PCOLCE2: variants seen among roughly 807,000 people sequenced by gnomAD.
The protein encoded by PCOLCE2 is procollagen C-proteinase enhancer 2.
A neutral mutation model predicts 47.0 loss-of-function variants in PCOLCE2; 42 were observed. The observed-to-expected ratio is 0.89, with a 90% CI of 0.70 to 1.16. The LOEUF (loss-of-function observed/expected upper bound fraction) is 1.16, where lower values mean the gene tolerates loss of function less well. Ranked by LOEUF, PCOLCE2 falls within the 50% of genes most tolerant of loss-of-function variation. The pLI, the probability that PCOLCE2 is intolerant of heterozygous loss-of-function variation, is 0.00. For missense variants in PCOLCE2, 500 were observed against 526.1 expected (o/e 0.95, Z 0.49); for synonymous variants, 169 against 191.7 (o/e 0.88, Z 0.98).
chr3:142,857,478 G>A (rs969695997), intron 2 of PCOLCE2, among the ~76,000 whole-genome samples: 1 of 152,160 alleles, frequency 6.6e-6, no homozygotes, highest in Non-Finnish European at 1.5e-5. Flanking sequence ...AGTACTAAGT[G>A]AAGCTCTACC....
At chr3:142,827,402 T>C in intron 6 of PCOLCE2, 1 of 1,567,270 alleles carries the variant, frequency 6.4e-7, no homozygotes, top group Non-Finnish European at 8.8e-7. Context: ...GGAGACAACC[T>C]TCTTGGAGCC....
rs777088943 is a variant in PCOLCE2, at chr3:142,843,029, T to C, written c.468A>G (p.Gly156=). The change falls in exon 4 of 9, where the codon GGA becomes GGG. Residue 156 remains glycine (G), a synonymous_variant. Transcript: ENST00000295992. ...PNERGDQYCG[G]LLDRPSGSFK... ...AAGAGCCGGAAGGTCTGTCAAGGAGTCCTCCACAATACTGATCCCCTTCAA... is the reference window on the plus strand; with the variant it reads ...AAGAGCCGGAAGGTCTGTCAAGGAGCCCTCCACAATACTGATCCCCTTCAA... 1.9e-6 allele frequency: 3 copies of C among 1,613,360 alleles called. No homozygotes were observed. The South Asian group carries it at 3.3e-5, about 18-fold the overall frequency.
Position 142,842,869 on chromosome 3 carries a change from C to T in PCOLCE2, c.573+55G>A. On this transcript the variant is annotated intron_variant, in intron 4 of 8. Transcript: ENST00000295992. The surrounding 1 kb of genome is among the most constrained non-coding windows in gnomAD (Gnocchi z 4.1). ...AGGCTCTTGAGAGTTGGTGGGCCCC[C>T]CACACTGGGCAATTCACACATGCAT... 1 of 1,593,178 alleles carries T rather than the reference C, an allele frequency of 6.3e-7. No homozygotes were observed. The highest frequency in any genetic ancestry group is 1.7e-4 in the Middle Eastern group (1 of 5,948).
At chr3:142,845,429 G>C (rs1327620268) in intron 3 of PCOLCE2, among the ~76,000 whole-genome samples, 2 of 152,092 alleles carry the variant, frequency 1.3e-5, no homozygotes. Context: ...AAGAAATTAA[G>C]AGAAGAAAAG....
chr3:142,823,588 T>G lies in PCOLCE2; in HGVS notation c.893A>C (p.Gln298Pro). Residue 298 changes from glutamine to proline, a missense_variant, in exon 7 of 9, where the codon CAA (glutamine) becomes CCA (proline). Coordinates refer to ENST00000295992, the MANE Select transcript of PCOLCE2 (RefSeq NM_013363.4). Reference sequence around the variant, plus strand: ...AGTCCCCGTCCGTCTACACTTTTGTTGACACAAGGCCACGGTGGGTTTTAA... The same window carrying G: ...AGTCCCCGTCCGTCTACACTTTTGTGGACACAAGGCCACGGTGGGTTTTAA... ...TGLKPTVALC[Q>P]QKCRRTGTLE... is the part of the protein sequence containing the mutation. The G allele has an allele frequency of 6.2e-7, 1 of 1,610,010 alleles. No individual in the cohort carries two copies. Among genetic ancestry groups the G allele is most frequent in the East Asian group, 2.2e-5 (1 of 44,836 alleles).
intron 2 of PCOLCE2, among the ~76,000 whole-genome samples, chr3:142,854,686 G>T (rs1268200018): frequency 6.6e-6 from 1 of 152,156 alleles, no homozygotes; most frequent in East Asian, 1.9e-4. Context: ...CCAGCCTGAA[G>T]ACACCAGTGG....
chr3:142,819,138 C>G (rs949726218), intron 8 of PCOLCE2, among the ~76,000 whole-genome samples: 1 of 152,184 alleles, frequency 6.6e-6, no homozygotes, highest in African/African-American at 2.4e-5. Context: ...ATACTACTTG[C>G]ATTTGTACAG....
At position 142,823,633 on chromosome 3, in the gene PCOLCE2, A is replaced by G. The variant is rs200770427; in HGVS notation, c.866-18T>C. 477 of 1,476,564 alleles carry G rather than the reference A, an allele frequency of 3.2e-4. No homozygotes were observed. The highest frequency in any genetic ancestry group is 4.3e-4 in the Non-Finnish European group (459 of 1,062,468). The allele number at this position is 1,476,564 out of a possible 1,614,324, so 91.5% of individuals were successfully genotyped here. ...TTTTAAACCTTAATTCAAAGAAGAC[A>G]TAAGTTTCACGAAAAATGAATTCAA... On this transcript the variant is annotated intron_variant, in intron 6 of 8. Transcript: ENST00000295992.
chr3:142,852,960 G>T (rs1932980089), intron 2 of PCOLCE2, among the ~76,000 whole-genome samples: 1 of 151,450 alleles, frequency 6.6e-6, no homozygotes, highest in Non-Finnish European at 1.5e-5. Context: ...TTAAAAATTA[G>T]CTGGATGTGG....
intron 5 of PCOLCE2, among the ~76,000 whole-genome samples, chr3:142,834,696 TA>T (rs1344316273): frequency 6.6e-6 from 1 of 152,202 alleles, no homozygotes; most frequent in Non-Finnish European, 1.5e-5. Context: ...GAATTTTTTT[TA>T]TACATTGCTA....
intron 2 of PCOLCE2, among the ~76,000 whole-genome samples, chr3:142,852,721 GTATT>G (rs1166140736): frequency 4.7e-5 from 7 of 147,692 alleles, no homozygotes; most frequent in South Asian, 2.1e-4. Context: ...ACACACATAA[GTATT>G]TATGTATATG....
At chr3:142,831,824 G>A (rs1388108555) in intron 5 of PCOLCE2, among the ~76,000 whole-genome samples, 1 of 152,146 alleles carries the variant, frequency 6.6e-6, no homozygotes, top group African/African-American at 2.4e-5. Context: ...TAACCTTGGG[G>A]GTAGTATATT....
chr3:142,824,339 C>T (rs567436369), intron 6 of PCOLCE2, among the ~76,000 whole-genome samples: 13 of 152,182 alleles, frequency 8.5e-5, no homozygotes, highest in Non-Finnish European at 1.3e-4. Context: ...GATGCCGAGA[C>T]GCTGCTGACA....
intron 7 of PCOLCE2, 146 bp downstream of exon 7, chr3:142,823,386 C>T: frequency 1.9e-6 from 1 of 540,336 alleles, no homozygotes; most frequent in Non-Finnish European, 3.4e-6. Flanking sequence ...ACAATTTGAC[C>T]ATTCTGGTGT....
At chr3:142,888,485 C>G (rs1933756873) in intron 1 of PCOLCE2, among the ~76,000 whole-genome samples, 1 of 152,238 alleles carries the variant, frequency 6.6e-6, no homozygotes, top group African/African-American at 2.4e-5. Context: ...CATATTTGGG[C>G]CCCAGTGCTT....
At chr3:142,837,558 C>T (rs868709877) in intron 5 of PCOLCE2, among the ~76,000 whole-genome samples, 7 of 152,060 alleles carry the variant, frequency 4.6e-5, no homozygotes, top group Admixed American at 2.6e-4. Flanking sequence ...AATCTAATTA[C>T]GTTTAAGCAA....
chr3:142,889,001 T>TGGCTCACACTGGCAGCAGCGCG lies in PCOLCE2; in HGVS notation c.-106_-105insCGCGCTGCTGCCAGTGTGAGCC. 2.0e-6 allele frequency: 1 copy of TGGCTCACACTGGCAGCAGCGCG among 491,802 alleles called. No individual in the cohort carries two copies. The highest frequency in any genetic ancestry group is 3.3e-6 in the Non-Finnish European group (1 of 302,656). The allele number at this position is 491,802 out of a possible 1,614,324, so 30.5% of individuals were successfully genotyped here. A position where few individuals can be genotyped will look rare whatever the true frequency, so the allele number is the denominator to read the frequency against. On this transcript the variant is annotated 5_prime_UTR_variant, in exon 1 of 9. Transcript: ENST00000295992. ...CCGCCGCTCACACTGGCAGCAGCGC[T>TGGCTCACACTGGCAGCAGCGCG]GGCTCACACCGGCGCTCGGCTGCCC...
intron 2 of PCOLCE2, among the ~76,000 whole-genome samples, chr3:142,882,303 C>T (rs1334738400): frequency 6.6e-6 from 1 of 152,150 alleles, no homozygotes; most frequent in East Asian, 1.9e-4. Flanking sequence ...TCCTCGGCCT[C>T]CCAAAGTATT....
chr3:142,818,596 G>T (rs774859789), intron 8 of PCOLCE2, 131 bp from the exon 9 acceptor site: 59 of 727,104 alleles, frequency 8.1e-5, no homozygotes, highest in Non-Finnish European at 1.0e-4. Context: ...TTCCATCCAC[G>T]ATAAAATCTG....
Sources: allele counts gnomAD v4.1 joint callset (sites outside exome capture counted in the v4.1 genomes callset), GRCh38; gene constraint gnomAD v4.1.1; non-coding constraint Gnocchi (gnomAD v3.1); transcripts MANE v1.5; gene names NCBI Gene and HGNC (gene_info 2026-07-23, HGNC 2026-07-21).